Variants in KCNMB4 observed in about 807,000 individuals in gnomAD.
The protein encoded by KCNMB4 is potassium calcium-activated channel subfamily M regulatory beta subunit 4, also known as calcium-activated potassium channel subunit beta-4.
A neutral mutation model predicts 20.7 loss-of-function variants in KCNMB4; 3 were observed. The ratio of observed to expected loss-of-function variants is 0.14; its 90% CI spans 0.07 to 0.37. The LOEUF (loss-of-function observed/expected upper bound fraction) is 0.37, where lower values mean the gene tolerates loss of function less well. Ranked by LOEUF, KCNMB4 falls within the 10% of genes least tolerant of loss-of-function variation. The pLI is 1.00. For synonymous variants in KCNMB4, 110 were observed against 113.4 expected, an observed-to-expected ratio of 0.97 and a Z score of 0.19; for missense variants, 168 against 265.9, an observed-to-expected ratio of 0.63 and a Z score of 2.56.
In KCNMB4 at chr12:70,392,014, G is replaced by C. The variant is rs1026992629; in HGVS notation, c.337-8195G>C. Among the ~76,000 whole-genome samples the C allele has an allele frequency of 2.0e-5, 3 of 152,202 alleles. 1 individual carries two copies. In the Middle Eastern group the frequency reaches 0.01, roughly 518 times the overall value. ...AGTTTTTTTTATCATCACCATACTG[G>C]TTCTAGAGGACTTACAATAGACAGG... is the stretch of plus-strand genomic sequence containing the variant. On this transcript the variant is annotated intron_variant, in intron 1 of 2. Transcript: ENST00000258111.
rs774808257 is a variant in KCNMB4 at position 70,430,699 on chromosome 12, T to A, written c.*46T>A. 1 of 1,501,100 alleles carries A rather than the reference T, an allele frequency of 6.7e-7. No homozygotes were observed. The highest frequency in any genetic ancestry group is 8.9e-7 in the Non-Finnish European group (1 of 1,127,630). The allele number at this position is 1,501,100 out of a possible 1,614,324, so 93.0% of individuals were successfully genotyped here. A position where few individuals can be genotyped will look rare whatever the true frequency, so the allele number is the denominator to read the frequency against. On this transcript the variant is annotated 3_prime_UTR_variant, in exon 3 of 3. Transcript: ENST00000258111. ...AAGCAAAGTACAGAAGCTGTACTCATCGGCACGCGTCCACCTGCGGAACCT... is the reference window on the plus strand; with the variant it reads ...AAGCAAAGTACAGAAGCTGTACTCAACGGCACGCGTCCACCTGCGGAACCT...
intron 1 of KCNMB4, among the ~76,000 whole-genome samples, chr12:70,388,583 T>G (rs1868275854): frequency 6.6e-6 from 1 of 152,216 alleles, no homozygotes; most frequent in Admixed American, 6.5e-5. Flanking sequence ...TATCTCATTG[T>G]AGTTTTGATT....
chr12:70,375,243 T>C (rs1173479782), intron 1 of KCNMB4, among the ~76,000 whole-genome samples: 1 of 152,168 alleles, frequency 6.6e-6, no homozygotes, highest in Non-Finnish European at 1.5e-5. Context: ...TATCTGTTCA[T>C]TGAGTTTATG....
Position 70,421,033 on chromosome 12 carries a change from C to T in KCNMB4, c.465-9452C>T, listed in dbSNP as rs186523708. Among the ~76,000 whole-genome samples the T allele has an allele frequency of 4.5e-4, 64 of 142,372 alleles. No homozygotes were observed. The East Asian group carries it at 0.013, about 29-fold the overall frequency. 93.4% of individuals were successfully genotyped at this position (142,372 alleles called of 152,430 possible). ...CGCCACTGCACTCCAGCCTGGGCGA[C>T]GTAGCGAGACTCCGTCTCAAAAAAA... On this transcript the variant is annotated intron_variant, in intron 2 of 2. Coordinates refer to ENST00000258111, the MANE Select transcript of KCNMB4 (RefSeq NM_014505.6).
chr12:70,382,310 G>A (rs1042375003), intron 1 of KCNMB4, among the ~76,000 whole-genome samples: 13 of 151,118 alleles, frequency 8.6e-5, no homozygotes, highest in African/African-American at 2.7e-4. Context: ...GCGGGCGCCT[G>A]TAGTCCCAGC....
intron 1 of KCNMB4, among the ~76,000 whole-genome samples, chr12:70,373,998 A>G (rs1486520091): frequency 1.3e-5 from 2 of 152,198 alleles, no homozygotes; most frequent in African/African-American, 2.4e-5. Flanking sequence ...TTTCTAAAAC[A>G]AAAGCAATCT....
At chr12:70,420,664 G>A (rs780964032) in intron 2 of KCNMB4, among the ~76,000 whole-genome samples, 14 of 152,318 alleles carry the variant, frequency 9.2e-5, no homozygotes, top group South Asian at 2.1e-4. Context: ...AGCTACTAGA[G>A]CAGCAATAGG....
At chr12:70,379,892 G>A (rs1593323891) in intron 1 of KCNMB4, among the ~76,000 whole-genome samples, 1 of 152,298 alleles carries the variant, frequency 6.6e-6, no homozygotes, top group East Asian at 1.9e-4. Context: ...CCTCTATCCA[G>A]ACCACTAAAC....
chr12:70,399,851 G>A (rs1868406781), intron 1 of KCNMB4, among the ~76,000 whole-genome samples: 1 of 152,150 alleles, frequency 6.6e-6, no homozygotes, highest in Non-Finnish European at 1.5e-5. Context: ...GATAGCAATT[G>A]GGGATAAAAA....
At chr12:70,422,040 C>G (rs917429530) in intron 2 of KCNMB4, among the ~76,000 whole-genome samples, 3 of 152,126 alleles carry the variant, frequency 2.0e-5, no homozygotes, top group Non-Finnish European at 4.4e-5. Context: ...TGTCCCAACA[C>G]AATTTATTGA....
chr12:70,393,894 A>G (rs952907245), intron 1 of KCNMB4, among the ~76,000 whole-genome samples: 1 of 152,090 alleles, frequency 6.6e-6, no homozygotes, highest in African/African-American at 2.4e-5. Flanking sequence ...GCCTCTGTAC[A>G]TTCCATTTCT....
chr12:70,389,915 A>T (rs2136124244), intron 1 of KCNMB4, among the ~76,000 whole-genome samples: 1 of 152,302 alleles, frequency 6.6e-6, no homozygotes, highest in African/African-American at 2.4e-5. Flanking sequence ...GGGAAATAGA[A>T]TTTGTAGGCC....
intron 1 of KCNMB4, among the ~76,000 whole-genome samples, chr12:70,376,030 T>C (rs922675556): frequency 7.2e-5 from 11 of 152,038 alleles, no homozygotes; most frequent in African/African-American, 2.2e-4. Context: ...GAATGCAAGT[T>C]TGGTTCAACG....
At chr12:70,418,229 T>A (rs1205779855) in intron 2 of KCNMB4, among the ~76,000 whole-genome samples, 1 of 152,198 alleles carries the variant, frequency 6.6e-6, no homozygotes, top group South Asian at 2.1e-4. Context: ...ATATTTTGGG[T>A]GCATCAGTAT....
intron 2 of KCNMB4, among the ~76,000 whole-genome samples, chr12:70,418,082 A>G (rs41329849): frequency 0.054 from 8,255 of 152,198 alleles, 371 homozygotes; most frequent in East Asian, 0.16. Context: ...TGTGCACATC[A>G]TACCCAGGAC....
At chr12:70,370,062 T>C (rs1270172617) in intron 1 of KCNMB4, among the ~76,000 whole-genome samples, 1 of 152,186 alleles carries the variant, frequency 6.6e-6, no homozygotes, top group African/African-American at 2.4e-5. Flanking sequence ...GAAGTTCTTA[T>C]GGCTGGGTCC....
At chr12:70,425,913 C>A (rs1024204338) in intron 2 of KCNMB4, among the ~76,000 whole-genome samples, 2 of 152,088 alleles carry the variant, frequency 1.3e-5, no homozygotes, top group South Asian at 2.1e-4. Context: ...CCGAGGCAGG[C>A]GGATTGCTTA....
At chr12:70,372,417 TGA>T (rs1413405319) in intron 1 of KCNMB4, among the ~76,000 whole-genome samples, 2 of 152,166 alleles carry the variant, frequency 1.3e-5, no homozygotes, top group African/African-American at 4.8e-5. Context: ...ACTTGTGCAG[TGA>T]GAGGTGCAGA....
intron 1 of KCNMB4, among the ~76,000 whole-genome samples, chr12:70,388,613 G>A (rs554088821): frequency 6.6e-6 from 1 of 152,308 alleles, no homozygotes; most frequent in Non-Finnish European, 1.5e-5. Flanking sequence ...CTGATGATCA[G>A]TGATATTGAG....
Sources: gnomAD v4.1 joint callset for allele counts (sites outside exome capture counted in the v4.1 genomes callset) on GRCh38, gnomAD v4.1.1 for gene constraint, MANE v1.5 for transcripts, NCBI Gene and HGNC (gene_info 2026-07-23, HGNC 2026-07-21) for gene names.